The following ALPK1 variants were observed in gnomAD, a reference collection of about 807,000 sequenced individuals.
The protein encoded by ALPK1 is alpha-protein kinase 1.
ALPK1 carries 110 observed loss-of-function variants against 120.6 expected under a neutral mutation model. The ratio of observed to expected loss-of-function variants is 0.91; its 90% CI spans 0.78 to 1.07. The LOEUF is 1.07. ALPK1 is among the 50% of genes least tolerant of loss of function. The pLI is 0.00. For missense variants in ALPK1, 1,498 were observed against 1,483.9 expected, an observed-to-expected ratio of 1.01 and a Z score of -0.16; for synonymous variants, 582 against 560.3, an observed-to-expected ratio of 1.04 and a Z score of -0.55.
At chr4:112,326,574 T>G (rs1476888486) in intron 2 of ALPK1, among the ~76,000 whole-genome samples, 1 of 152,136 alleles carries the variant, frequency 6.6e-6, no homozygotes, top group Admixed American at 6.5e-5. Flanking sequence ...GCTTTCCATT[T>G]CCTTGTTCTA....
In ALPK1 at chr4:112,420,394, A is replaced by G. The variant is rs960925599; in HGVS notation, c.476-3550A>G. Reference sequence around the variant, plus strand: ...AATACACATCCCTCTCATGTGCAAAATACACTCATTCCTCCCTCAGAGCCT... The same window carrying G: ...AATACACATCCCTCTCATGTGCAAAGTACACTCATTCCTCCCTCAGAGCCT... On this transcript the variant is annotated intron_variant, in intron 5 of 15. Transcript: ENST00000650871. Among the ~76,000 whole-genome samples the G allele has an allele frequency of 3.3e-5, 5 of 152,296 alleles. No homozygotes were observed. The South Asian group carries it at 1.0e-3, about 32-fold the overall frequency.
intron 1 of ALPK1, among the ~76,000 whole-genome samples, chr4:112,299,933 G>A (rs539167721): frequency 2.0e-5 from 3 of 152,182 alleles, no homozygotes; most frequent in Admixed American, 6.5e-5. Flanking sequence ...GGGGCCAGGG[G>A]GGACTTTAAA....
rs113977807 is a variant in ALPK1 at position 112,427,697 on chromosome 4, G to A, written c.795+32G>A. ...ATCATAACACTGAGTGGCATCACCT[G>A]TAAAATTGTCAATCGTGTCCTTGGT... On this transcript the variant is annotated intron_variant, in intron 9 of 15. Coordinates refer to ENST00000650871, the MANE Select transcript of ALPK1 (RefSeq NM_025144.4). 1.7e-3 allele frequency: 2,599 copies of A among 1,506,552 alleles called. 23 individuals carry two copies. The African/African-American group carries it at 0.025, about 14-fold the overall frequency. 93.3% of individuals were successfully genotyped at this position (1,506,552 alleles called of 1,614,324 possible).
chr4:112,433,818 G>A (rs2148764721), intron 11 of ALPK1, among the ~76,000 whole-genome samples: 1 of 152,210 alleles, frequency 6.6e-6, no homozygotes, highest in South Asian at 2.1e-4. Flanking sequence ...CTCAACCCTG[G>A]CGCCACATGA....
At chr4:112,414,294 T>C (rs988441651) in intron 5 of ALPK1, 1 of 494,900 alleles carries the variant, frequency 2.0e-6, no homozygotes, top group Admixed American at 2.1e-5. Context: ...CTCAATGTAG[T>C]GGGATGTCAG....
At chr4:112,374,818 T>G (rs1452152059) in intron 2 of ALPK1, among the ~76,000 whole-genome samples, 1 of 152,228 alleles carries the variant, frequency 6.6e-6, no homozygotes. Context: ...AAACCTTTTT[T>G]TCTGGGAGGT....
Position 112,404,800 on chromosome 4 carries a change from G to T in ALPK1, c.277-7027G>T, listed in dbSNP as rs929488844. Among the ~76,000 whole-genome samples, 14 of 152,218 alleles carry T rather than the reference G, an allele frequency of 9.2e-5. No individual in the cohort carries two copies. In the Middle Eastern group the frequency reaches 0.014, roughly 148 times the overall value. ...TAAATATTCTTGAGCTTTGTTCTGGGACTCAGTCAAGTTAGGAAATAATTT... is the reference window on the plus strand; with the variant it reads ...TAAATATTCTTGAGCTTTGTTCTGGTACTCAGTCAAGTTAGGAAATAATTT... On this transcript the variant is annotated intron_variant, in intron 4 of 15. Coordinates refer to ENST00000650871, the MANE Select transcript of ALPK1 (RefSeq NM_025144.4).
At chr4:112,411,708 T>C (rs1364806708) in intron 4 of ALPK1, 119 bp from the exon 5 acceptor site, 1 of 944,922 alleles carries the variant, frequency 1.1e-6, no homozygotes, top group Non-Finnish European at 1.6e-6. Flanking sequence ...TAACAAAGTA[T>C]TTTTCTCTTC....
At chr4:112,313,614 T>C (rs1182171744) in intron 1 of ALPK1, among the ~76,000 whole-genome samples, 1 of 152,138 alleles carries the variant, frequency 6.6e-6, no homozygotes, top group African/African-American at 2.4e-5. Context: ...TCCCAGCTAC[T>C]TGGGAGGCTG....
intron 1 of ALPK1, among the ~76,000 whole-genome samples, chr4:112,297,761 G>A (rs1240477774): frequency 6.6e-6 from 1 of 152,020 alleles, no homozygotes; most frequent in Non-Finnish European, 1.5e-5. Context: ...TTTTCATAAG[G>A]TTTTAATAAC....
At position 112,433,521 on chromosome 4, in the gene ALPK1, A is replaced by G. The variant is rs77100684; in HGVS notation, c.3034+940A>G. Among the ~76,000 whole-genome samples the G allele has an allele frequency of 6.1e-3, 930 of 152,302 alleles. 19 individuals carry two copies. In the East Asian group the frequency reaches 0.069, roughly 11 times the overall value. ...AGACTACAGTACCCCTACTGTTGCAATCAGCAGCTACTTCTTGCTTAAGGA... is the reference window on the plus strand; with the variant it reads ...AGACTACAGTACCCCTACTGTTGCAGTCAGCAGCTACTTCTTGCTTAAGGA... On this transcript the variant is annotated intron_variant, in intron 11 of 15. Coordinates refer to ENST00000650871, the MANE Select transcript of ALPK1 (RefSeq NM_025144.4).
At chr4:112,356,463 G>C in intron 2 of ALPK1, 1 of 950,798 alleles carries the variant, frequency 1.1e-6, no homozygotes, top group Non-Finnish European at 1.7e-6. Flanking sequence ...GATCATTTAC[G>C]CCTTTAGGAC....
At chr4:112,321,442 G>A (rs1728864444) in intron 2 of ALPK1, among the ~76,000 whole-genome samples, 1 of 152,070 alleles carries the variant, frequency 6.6e-6, no homozygotes, top group African/African-American at 2.4e-5. Flanking sequence ...ACCTTAGATT[G>A]TCTATTTGTG....
At chr4:112,357,874 A>G in intron 2 of ALPK1, 1 of 1,166,596 alleles carries the variant, frequency 8.6e-7, no homozygotes, top group Non-Finnish European at 1.3e-6. Flanking sequence ...GGAGGCGCTG[A>G]GGCCGCTGTT....
At chr4:112,312,510 C>T (rs1468009992) in intron 1 of ALPK1, among the ~76,000 whole-genome samples, 1 of 152,174 alleles carries the variant, frequency 6.6e-6, no homozygotes, top group African/African-American at 2.4e-5. Flanking sequence ...CTAACCTCTT[C>T]ATCCGCCCAC....
intron 2 of ALPK1, chr4:112,357,121 T>G (rs1730666599): frequency 1.6e-6 from 2 of 1,263,116 alleles, no homozygotes; most frequent in African/African-American, 2.9e-5. Flanking sequence ...CCATCGATGC[T>G]GTTGAGCTGC....
intron 11 of ALPK1, among the ~76,000 whole-genome samples, chr4:112,432,922 C>T (rs1162193986): frequency 1.3e-5 from 2 of 152,206 alleles, no homozygotes; most frequent in African/African-American, 4.8e-5. Context: ...CAGCATCTAT[C>T]TTCTTCATTG....
chr4:112,359,187 C>A, intron 2 of ALPK1: 1 of 615,254 alleles, frequency 1.6e-6, no homozygotes, highest in Non-Finnish European at 3.0e-6. Context: ...CCCCAGGCCA[C>A]CCCCCACAGG....
In ALPK1 at chr4:112,431,599, G is replaced by A. The variant is rs764167126; in HGVS notation, c.2052G>A (p.Leu684=). The change falls in exon 11 of 16, where the codon TTG becomes TTA. Residue 684 remains leucine (L), a synonymous_variant. Transcript: ENST00000650871. ...CTCATAATACCCCAGGCATTTTCTTGGCCCCTGGTGCAGGGCTTCTAGAAG... is the reference window on the plus strand; with the variant it reads ...CTCATAATACCCCAGGCATTTTCTTAGCCCCTGGTGCAGGGCTTCTAGAAG... The part of the protein sequence containing the change: ...FSPHNTPGIF[L]APGAGLLEGA... 1 of 1,614,126 alleles carries A rather than the reference G, an allele frequency of 6.2e-7. No homozygotes were observed. The highest frequency in any genetic ancestry group is 1.1e-5 in the South Asian group (1 of 91,074).
Sources: allele counts gnomAD v4.1 joint callset (sites outside exome capture counted in the v4.1 genomes callset), GRCh38; gene constraint gnomAD v4.1.1; transcripts MANE v1.5; gene names NCBI Gene and HGNC (gene_info 2026-07-23, HGNC 2026-07-21).